FDX1: variants seen among roughly 807,000 people sequenced by gnomAD.
The protein encoded by FDX1 is ferredoxin 1, also known as adrenodoxin, mitochondrial.
In FDX1, 9 loss-of-function variants were observed where a neutral mutation model predicts 14.9. The ratio of observed to expected loss-of-function variants is 0.60; its 90% confidence interval spans 0.36 to 1.05. The LOEUF is 1.05. FDX1 is among the 50% of genes least tolerant of loss of function. FDX1 has a pLI of 0.01. For synonymous variants in FDX1, 92 were observed against 99.4 expected (o/e 0.93, Z 0.44); for missense variants, 204 against 237.2 (o/e 0.86, Z 0.92).
intron 2 of FDX1, among the ~76,000 whole-genome samples, chr11:110,444,663 TAC>T (rs1565381761): frequency 1.9e-4 from 13 of 68,678 alleles, no homozygotes; most frequent in East Asian, 7.7e-4. Context: ...TATATATATA[TAC>T]GTATATATAT....
chr11:110,455,793 A>G (rs1428925081), intron 2 of FDX1, among the ~76,000 whole-genome samples: 1 of 152,214 alleles, frequency 6.6e-6, no homozygotes, highest in Admixed American at 6.5e-5. Flanking sequence ...ATCCTTTAGA[A>G]GGATTAAACT....
intron 2 of FDX1, among the ~76,000 whole-genome samples, chr11:110,453,582 C>T (rs1486946627): frequency 6.6e-6 from 1 of 150,646 alleles, no homozygotes; most frequent in Non-Finnish European, 1.5e-5. Flanking sequence ...TCCTAAATAC[C>T]CTTTTTGGTT....
intron 2 of FDX1, among the ~76,000 whole-genome samples, chr11:110,443,438 CT>C (rs1204500783): frequency 0.034 from 4,465 of 132,400 alleles, 46 homozygotes; most frequent in Non-Finnish European, 0.047. Flanking sequence ...TAATAATATC[CT>C]TTTTTTTTTT....
Position 110,429,965 on chromosome 11 carries a change from G to C in FDX1, c.-156G>C, listed in dbSNP as rs1946317368. 2.4e-6 allele frequency: 1 copy of C among 415,998 alleles called. No homozygotes were observed. The highest frequency in any genetic ancestry group is 2.1e-5 in the African/African-American group (1 of 47,968). The allele number at this position is 415,998 out of a possible 1,614,324, so 25.8% of individuals were successfully genotyped here. On this transcript the variant is annotated 5_prime_UTR_variant, in exon 1 of 4. Coordinates refer to ENST00000260270, the MANE Select transcript of FDX1 (RefSeq NM_004109.5). ...CGGAAGGCACGCGGAACCTCGGCGC[G>C]GTGCTTCCAGCAGGGTCTCTCCGCC...
In FDX1 at chr11:110,464,669, T is replaced by C. The variant is rs1259897312; in HGVS notation, c.*2201T>C. ...TAATTTTAAAGTACTTCAAAGCCAA[T>C]TTATTCTCTTAATTAGCTTCATTAT... On this transcript the variant is annotated 3_prime_UTR_variant, in exon 4 of 4. Coordinates refer to ENST00000260270, the MANE Select transcript of FDX1 (RefSeq NM_004109.5). The C allele has an allele frequency of 6.6e-6, 1 of 152,206 alleles. No homozygotes were observed. Among genetic ancestry groups the C allele is most frequent in the African/African-American group, 2.4e-5 (1 of 41,450 alleles). 9.4% of individuals were successfully genotyped at this position (152,206 alleles called of 1,614,324 possible).
At chr11:110,439,231 G>A (rs772843651) in intron 2 of FDX1, among the ~76,000 whole-genome samples, 6 of 151,092 alleles carry the variant, frequency 4.0e-5, no homozygotes, top group Non-Finnish European at 7.4e-5. Context: ...ACCCCGAGAC[G>A]GAGTCTCACT....
Position 110,435,923 on chromosome 11 carries a change from T to C in FDX1, c.275T>C (p.Val92Ala). 1 of 1,612,514 alleles carries C rather than the reference T, an allele frequency of 6.2e-7. No individual in the cohort carries two copies. The highest frequency in any genetic ancestry group is 8.5e-7 in the Non-Finnish European group (1 of 1,179,066). The change falls in exon 2 of 4, where the codon GTT becomes GCT. Residue 92 changes from valine (V) to alanine (A), a missense_variant. Val to Ala is a moderately conservative substitution (Grantham distance 64). Transcript: ENST00000260270. ...KGKVGDSLLD[V>A]VVENNLDIDG... The stretch of plus-strand genomic sequence containing the variant: ...AAAGTTGGTGATTCTCTGCTAGATG[T>C]TGTGGTTGAAAATAATCTAGATATT...
rs1308966541 is a variant in FDX1 at position 110,430,069 on chromosome 11, G to A, written c.-52G>A. The A allele has an allele frequency of 1.7e-6, 2 of 1,184,134 alleles. No homozygotes were observed. Among genetic ancestry groups the A allele is most frequent in the African/African-American group, 1.6e-5 (1 of 62,730 alleles). The allele number at this position is 1,184,134 out of a possible 1,614,324, so 73.4% of individuals were successfully genotyped here. A position where few individuals can be genotyped will look rare whatever the true frequency, so the allele number is the denominator to read the frequency against. On this transcript the variant is annotated 5_prime_UTR_variant, in exon 1 of 4. Transcript: ENST00000260270. ...CGCCCCCGCCTCTTTGGAGTCTCTC[G>A]CGGCCTCAAAGCGCGGCCTGCGTCG... is the stretch of plus-strand genomic sequence containing the variant.
intron 2 of FDX1, among the ~76,000 whole-genome samples, chr11:110,443,858 G>T (rs1946421074): frequency 6.6e-6 from 1 of 151,788 alleles, no homozygotes; most frequent in African/African-American, 2.4e-5. Flanking sequence ...TTGGCTGCTT[G>T]TATGGCTTTT....
At chr11:110,456,588 C>A (rs1229461705) in intron 2 of FDX1, among the ~76,000 whole-genome samples, 3 of 136,936 alleles carry the variant, frequency 2.2e-5, no homozygotes, top group African/African-American at 8.2e-5. Flanking sequence ...CTCACTGTAA[C>A]CTCCGCCTCC....
intron 2 of FDX1, 38 bp downstream of exon 2, chr11:110,435,996 C>CCTAACAGTTTCACT: frequency 6.4e-7 from 1 of 1,558,842 alleles, no homozygotes; most frequent in Non-Finnish European, 8.7e-7. Flanking sequence ...ATAAGTGAAA[C>CCTAACAGTTTCACT]TGTTAGGTTT....
chr11:110,439,407 C>T (rs1337170253), intron 2 of FDX1, among the ~76,000 whole-genome samples: 1 of 151,488 alleles, frequency 6.6e-6, no homozygotes, highest in Admixed American at 6.6e-5. Flanking sequence ...ATGGGGTTTC[C>T]CATGTTGGCC....
chr11:110,461,496 T>TAA (rs59467093), intron 3 of FDX1, among the ~76,000 whole-genome samples: 2 of 106,350 alleles, frequency 1.9e-5, no homozygotes, highest in African/African-American at 3.7e-5. Flanking sequence ...GACCCTGTCT[T>TAA]AAAAAAAAAA....
At chr11:110,460,194 TAAAG>T (rs1465657830) in intron 3 of FDX1, among the ~76,000 whole-genome samples, 1 of 151,056 alleles carries the variant, frequency 6.6e-6, no homozygotes, top group African/African-American at 2.4e-5. Flanking sequence ...ATTCTACAAA[TAAAG>T]AACTCTTGAT....
chr11:110,431,435 G>A (rs975698402), intron 1 of FDX1, among the ~76,000 whole-genome samples: 12 of 152,158 alleles, frequency 7.9e-5, no homozygotes, highest in African/African-American at 2.9e-4. Context: ...TGAGGTCTCT[G>A]AGAGCAGGGT....
intron 2 of FDX1, among the ~76,000 whole-genome samples, chr11:110,447,914 A>G (rs1946462089): frequency 6.6e-6 from 1 of 152,230 alleles, no homozygotes; most frequent in African/African-American, 2.4e-5. Flanking sequence ...GACTGCGATG[A>G]GGGATAAAGT....
At chr11:110,457,113 C>T in intron 3 of FDX1, 66 bp downstream of exon 3, 2 of 1,435,676 alleles carry the variant, frequency 1.4e-6, no homozygotes, top group African/African-American at 1.4e-5. Flanking sequence ...ATTATGTTGT[C>T]TATGTAAGAC....
At chr11:110,455,783 A>G (rs191887448) in intron 2 of FDX1, among the ~76,000 whole-genome samples, 1 of 152,350 alleles carries the variant, frequency 6.6e-6, no homozygotes, top group African/African-American at 2.4e-5. Context: ...ATGAAAAGCT[A>G]TCCTTTAGAA....
At chr11:110,434,979 T>C (rs1946359311) in intron 1 of FDX1, among the ~76,000 whole-genome samples, 1 of 152,076 alleles carries the variant, frequency 6.6e-6, no homozygotes, top group Admixed American at 6.5e-5. Context: ...GGTCTCAAAC[T>C]CCTGGGCTCA....
Sources: allele counts gnomAD v4.1 joint callset (sites outside exome capture counted in the v4.1 genomes callset), GRCh38; gene constraint gnomAD v4.1.1; transcripts MANE v1.5; gene names NCBI Gene and HGNC (gene_info 2026-07-23, HGNC 2026-07-21).